GINS1: variants seen among roughly 807,000 people sequenced by gnomAD.
GINS1 encodes the protein GINS complex subunit 1.
GINS1 carries 26 observed loss-of-function variants against 34.9 expected under a neutral mutation model. The ratio of observed to expected loss-of-function variants is 0.74; its 90% CI spans 0.55 to 1.03. The LOEUF (loss-of-function observed/expected upper bound fraction) is 1.03. Among genes scored for constraint, GINS1 ranks in the 50% least tolerant of loss-of-function variants. The pLI is 0.00. For synonymous variants in GINS1, 97 were observed against 84.4 expected (o/e 1.15, Z -0.82); for missense variants, 235 against 237.9 (o/e 0.99, Z 0.08).
At position 25,423,391 on chromosome 20, in the gene GINS1, A is replaced by T. The variant is rs2500448; in HGVS notation, c.331-1820A>T. On this transcript the variant is annotated intron_variant, in intron 4 of 6. Coordinates refer to ENST00000262460, the MANE Select transcript of GINS1 (RefSeq NM_021067.5). Reference sequence around the variant, plus strand: ...GGTCTCCCAAAGCTGGGATTACAGGAGTGAGCCACCGTGCCTGGCCTACCC... The same window carrying T: ...GGTCTCCCAAAGCTGGGATTACAGGTGTGAGCCACCGTGCCTGGCCTACCC... Among the ~76,000 whole-genome samples, 13 of 147,076 alleles carry T rather than the reference A, an allele frequency of 8.8e-5. No individual in the cohort carries two copies. The East Asian group carries it at 1.2e-3, about 13-fold the overall frequency.
chr20:25,426,426 A>G (rs547669619), intron 5 of GINS1, among the ~76,000 whole-genome samples: 6 of 152,106 alleles, frequency 3.9e-5, no homozygotes, highest in African/African-American at 1.4e-4. Context: ...AGCCGGGCAC[A>G]TGCCTGTAAT....
chr20:25,418,741 G>A (rs1226268522), intron 4 of GINS1, among the ~76,000 whole-genome samples: 1 of 152,180 alleles, frequency 6.6e-6, no homozygotes, highest in Non-Finnish European at 1.5e-5. Context: ...TGCAGTTATT[G>A]TCAACTAAGG....
intron 6 of GINS1, among the ~76,000 whole-genome samples, chr20:25,443,698 T>C (rs1248013031): frequency 6.6e-6 from 1 of 151,814 alleles, no homozygotes; most frequent in East Asian, 1.9e-4. Flanking sequence ...GCCAGGCTGG[T>C]TTCAAATTCC....
intron 1 of GINS1, 98 bp from the exon 2 acceptor site, chr20:25,413,692 A>T: frequency 1.3e-6 from 1 of 762,480 alleles, no homozygotes; most frequent in Non-Finnish European, 2.4e-6. Context: ...CTTTTTGCTA[A>T]AGTATATAAA....
At chr20:25,434,478 C>G (rs983341090) in intron 5 of GINS1, among the ~76,000 whole-genome samples, 1 of 150,608 alleles carries the variant, frequency 6.6e-6, no homozygotes, top group Non-Finnish European at 1.5e-5. Context: ...AGGTCTTGCT[C>G]TGTTTGTCAT....
At chr20:25,445,627 G>A (rs185153431) in intron 6 of GINS1, among the ~76,000 whole-genome samples, 2 of 152,244 alleles carry the variant, frequency 1.3e-5, no homozygotes, top group East Asian at 1.9e-4. Context: ...GATTATAGGC[G>A]TGATCCACTG....
In GINS1 at chr20:25,407,694, C is replaced by T. The variant is rs895353146; in HGVS notation, c.-127C>T. The T allele has an allele frequency of 5.3e-6, 4 of 750,702 alleles. No homozygotes were observed. The highest frequency in any genetic ancestry group is 1.8e-5 in the African/African-American group (1 of 56,950). 46.5% of individuals were successfully genotyped at this position (750,702 alleles called of 1,614,324 possible). A position where few individuals can be genotyped will look rare whatever the true frequency, so the allele number is the denominator to read the frequency against. On this transcript the variant is annotated 5_prime_UTR_variant, in exon 1 of 7. Transcript: ENST00000262460. Reference sequence around the variant, plus strand: ...CTTTGTTCGGCGCCAAAGCGCGGAGCGGAGGCCGAGGCGAGAGCCTGGCGC... The same window carrying T: ...CTTTGTTCGGCGCCAAAGCGCGGAGTGGAGGCCGAGGCGAGAGCCTGGCGC...
chr20:25,421,030 C>T lies in GINS1; in HGVS notation c.330+2835C>T, dbSNP rs1600926387. On this transcript the variant is annotated intron_variant, in intron 4 of 6. Coordinates refer to ENST00000262460, the MANE Select transcript of GINS1 (RefSeq NM_021067.5). Reference sequence around the variant, plus strand: ...ATAGGAGCCTATGAGGTCTGAATGTCATCATAGGTATCTGTATTACCCAAG... The same window carrying T: ...ATAGGAGCCTATGAGGTCTGAATGTTATCATAGGTATCTGTATTACCCAAG... 6 of 879,300 alleles carry T rather than the reference C, an allele frequency of 6.8e-6. No individual in the cohort carries two copies. In the South Asian group the frequency reaches 2.1e-4, roughly 30 times the overall value. The allele number at this position is 879,300 out of a possible 1,614,324, so 54.5% of individuals were successfully genotyped here. A position where few individuals can be genotyped will look rare whatever the true frequency, so the allele number is the denominator to read the frequency against.
intron 6 of GINS1, among the ~76,000 whole-genome samples, chr20:25,444,437 A>C (rs1261895869): frequency 6.6e-6 from 1 of 152,194 alleles, no homozygotes; most frequent in East Asian, 1.9e-4. Context: ...TTAAATGAAC[A>C]ACTCAGTTAT....
rs1208679313 is a variant in GINS1 at position 25,413,793 on chromosome 20, G to A, written c.79G>A (p.Asp27Asn). Residue 27 changes from aspartate to asparagine, a missense_variant, in exon 2 of 7, where the codon GAT becomes AAT. Physicochemically the swap from Asp to Asn is conservative, Grantham distance 23. Coordinates refer to ENST00000262460, the MANE Select transcript of GINS1 (RefSeq NM_021067.5). Reference sequence around the variant, plus strand: ...AATATCGGTTTATATGTTCTAGGAGGATGGACTCAGACAAGTTCTGGAGGA... The same window carrying A: ...AATATCGGTTTATATGTTCTAGGAGAATGGACTCAGACAAGTTCTGGAGGA... ...PEGQLPAFNEDGLRQVLEEMK... is the reference protein window; with the variant it reads ...PEGQLPAFNENGLRQVLEEMK... 3 of 1,566,610 alleles carry A rather than the reference G, an allele frequency of 1.9e-6. No individual in the cohort carries two copies. Among genetic ancestry groups the A allele is most frequent in the Admixed American group, 1.7e-5 (1 of 59,968 alleles).
intron 1 of GINS1, among the ~76,000 whole-genome samples, chr20:25,410,077 C>T (rs891613482): frequency 1.4e-4 from 22 of 152,250 alleles, no homozygotes; most frequent in Admixed American, 7.8e-4. Flanking sequence ...AGTGGTGGCT[C>T]ACGCCTGTAA....
At chr20:25,419,851 A>G (rs1888995) in intron 4 of GINS1, 118,099 of 166,448 alleles carry the variant, frequency 0.71, 43,736 homozygotes, top group African/African-American at 0.88. Flanking sequence ...TAGTAGAGAC[A>G]GGGTTTCACT....
chr20:25,422,797 G>A (rs981387233), intron 4 of GINS1, among the ~76,000 whole-genome samples: 5 of 152,078 alleles, frequency 3.3e-5, no homozygotes, highest in Non-Finnish European at 5.9e-5. Context: ...TTGTTTAGAC[G>A]GAGTTTTTTG....
intron 5 of GINS1, among the ~76,000 whole-genome samples, chr20:25,440,345 A>G (rs767347169): frequency 1.3e-5 from 2 of 152,158 alleles, no homozygotes; most frequent in Admixed American, 6.5e-5. Context: ...GAAGTAGACA[A>G]TAGAATATTT....
At chr20:25,425,493 A>G (rs1262163379) in intron 5 of GINS1, among the ~76,000 whole-genome samples, 166 bp downstream of exon 5, 1 of 152,220 alleles carries the variant, frequency 6.6e-6, no homozygotes, top group Non-Finnish European at 1.5e-5. Context: ...ACGATGGAAC[A>G]GCTATAATTT....
intron 5 of GINS1, among the ~76,000 whole-genome samples, chr20:25,431,056 A>T (rs74936049): frequency 0.08 from 12,143 of 152,168 alleles, 709 homozygotes; most frequent in South Asian, 0.18. Context: ...TTCTTTATTG[A>T]GAGATTTTTG....
At chr20:25,445,877 CCAAT>C in intron 6 of GINS1, 42 bp from the exon 7 acceptor site, 2 of 1,129,870 alleles carry the variant, frequency 1.8e-6, no homozygotes, top group Non-Finnish European at 2.6e-6. Context: ...AAATTCTTTC[CCAAT>C]CATTTATTTT....
intron 5 of GINS1, among the ~76,000 whole-genome samples, chr20:25,431,536 TTTTTTC>T (rs1363358678): frequency 3.6e-4 from 54 of 151,816 alleles, no homozygotes; most frequent in East Asian, 2.1e-3. Context: ...TTTTTGTTTC[TTTTTTC>T]TTTTTCTTTT....
At position 25,407,911 on chromosome 20, in the gene GINS1, A is replaced by G; in HGVS notation, c.75+16A>G. The G allele has an allele frequency of 3.7e-6, 6 of 1,600,674 alleles. No individual in the cohort carries two copies. Among genetic ancestry groups the G allele is most frequent in the Non-Finnish European group, 5.1e-6 (6 of 1,168,220 alleles). Reference sequence around the variant, plus strand: ...TGCCTTCAACGTGAGGGGCGGGTAGACTTGGACGGGGCATGCCGGCGTTGG... The same window carrying G: ...TGCCTTCAACGTGAGGGGCGGGTAGGCTTGGACGGGGCATGCCGGCGTTGG... On this transcript the variant is annotated intron_variant, in intron 1 of 6. Transcript: ENST00000262460.
Sources: allele counts gnomAD v4.1 joint callset (sites outside exome capture counted in the v4.1 genomes callset), GRCh38; gene constraint gnomAD v4.1.1; transcripts MANE v1.5; gene names NCBI Gene and HGNC (gene_info 2026-07-23, HGNC 2026-07-21).